UROS: variants seen among roughly 807,000 people sequenced by gnomAD.
UROS encodes uroporphyrinogen-III synthase.
In UROS, 18 loss-of-function variants were observed where a neutral mutation model predicts 33.0. The observed-to-expected ratio is 0.55, with a 90% CI of 0.38 to 0.81. The LOEUF (loss-of-function observed/expected upper bound fraction) is 0.81, where lower values mean the gene tolerates loss of function less well. UROS is among the 30% of genes least tolerant of loss of function. The pLI is 0.00. For missense variants in UROS, 293 were observed against 314.9 expected, an observed-to-expected ratio of 0.93 and a Z score of 0.53; for synonymous variants, 114 against 121.1, an observed-to-expected ratio of 0.94 and a Z score of 0.38.
At position 125,788,687 on chromosome 10, in the gene UROS, G is replaced by A. The variant is rs1589905623; in HGVS notation, c.*181C>T. 1.4e-6 allele frequency: 2 copies of A among 1,431,400 alleles called. No individual in the cohort carries two copies. The highest frequency in any genetic ancestry group is 9.1e-7 in the Non-Finnish European group (1 of 1,096,902). The allele number at this position is 1,431,400 out of a possible 1,614,324, so 88.7% of individuals were successfully genotyped here. Reference sequence around the variant, plus strand: ...TGGCTTCCACAGAGGGCAGTCACGTGCACGTGGGCCTGAGGCCAGCCCCAG... The same window carrying A: ...TGGCTTCCACAGAGGGCAGTCACGTACACGTGGGCCTGAGGCCAGCCCCAG... On this transcript the variant is annotated 3_prime_UTR_variant, in exon 10 of 10. Transcript: ENST00000368797.
downstream of UROS, among the ~76,000 whole-genome samples, chr10:125,787,399 C>A (rs1297046972): frequency 6.6e-6 from 1 of 152,168 alleles, no homozygotes; most frequent in Non-Finnish European, 1.5e-5. Context: ...CCAGCCTCTT[C>A]ACCATGCATG....
At chr10:125,822,240 A>G (rs551302049) in intron 1 of UROS, among the ~76,000 whole-genome samples, 89 of 152,076 alleles carry the variant, frequency 5.9e-4, no homozygotes, top group African/African-American at 2.1e-3. Context: ...CTCGCTCTGC[A>G]GTTGGCCGCA....
chr10:125,789,198 C>T (rs1023777101), intron 9 of UROS, 193 bp from the exon 10 acceptor site: 117 of 1,435,658 alleles, frequency 8.1e-5, no homozygotes, highest in South Asian at 9.7e-5. Flanking sequence ...TCTGCATCCA[C>T]GCTCTCATCA....
chr10:125,797,703 C>T (rs983405358), intron 7 of UROS, among the ~76,000 whole-genome samples: 5 of 152,150 alleles, frequency 3.3e-5, no homozygotes, highest in Non-Finnish European at 7.3e-5. Flanking sequence ...ATTATAAGAT[C>T]GGCTACATTT....
At chr10:125,816,098 TA>T in intron 3 of UROS, 78 bp downstream of exon 3, 1 of 1,358,336 alleles carries the variant, frequency 7.4e-7, no homozygotes, top group Non-Finnish European at 1.1e-6. Context: ...AAGAAGACAG[TA>T]AAATAGTCCC....
At chr10:125,804,584 A>G (rs749059039) in intron 6 of UROS, among the ~76,000 whole-genome samples, 10 of 152,106 alleles carry the variant, frequency 6.6e-5, no homozygotes, top group Non-Finnish European at 1.0e-4. Context: ...AAAGTGGGGG[A>G]CAGTTTGCTA....
At chr10:125,817,761 G>A (rs747856085) in intron 1 of UROS, among the ~76,000 whole-genome samples, 11 of 152,130 alleles carry the variant, frequency 7.2e-5, no homozygotes, top group East Asian at 1.9e-4. Flanking sequence ...GAATTGCTAC[G>A]TGGCAGAGCT....
chr10:125,820,561 C>T (rs1853783611), intron 1 of UROS, among the ~76,000 whole-genome samples: 1 of 152,158 alleles, frequency 6.6e-6, no homozygotes, highest in African/African-American at 2.4e-5. Context: ...AATGTTTAAC[C>T]AGATATCTGG....
Position 125,788,858 on chromosome 10 carries a change from G to C in UROS, c.*10C>G, listed in dbSNP as rs899209110. 1 of 1,579,360 alleles carries C rather than the reference G, an allele frequency of 6.3e-7. No homozygotes were observed. The highest frequency in any genetic ancestry group is 8.6e-7 in the Non-Finnish European group (1 of 1,164,510). On this transcript the variant is annotated 3_prime_UTR_variant, in exon 10 of 10. Coordinates refer to ENST00000368797, the MANE Select transcript of UROS (RefSeq NM_000375.3). ...GGGAGGCTGCATGGGGCCAGCGCTAGGTGGCTGACTCAGCAGCAGCCATGG... is the reference window on the plus strand; with the variant it reads ...GGGAGGCTGCATGGGGCCAGCGCTACGTGGCTGACTCAGCAGCAGCCATGG...
At chr10:125,785,092 C>T (rs1850606205), downstream of UROS, 1 of 152,160 alleles carries the variant, frequency 6.6e-6, no homozygotes, top group Admixed American at 6.5e-5. Context: ...GAAAAAATCT[C>T]GTAGTAATAG....
At position 125,788,830 on chromosome 10, in the gene UROS, C is replaced by A. The variant is rs774482077; in HGVS notation, c.*38G>T. On this transcript the variant is annotated 3_prime_UTR_variant, in exon 10 of 10. Transcript: ENST00000368797. ...TGGCTCCATCCAGAGCCAGCCCAGCCCAGGGAGGCTGCATGGGGCCAGCGC... is the reference window on the plus strand; with the variant it reads ...TGGCTCCATCCAGAGCCAGCCCAGCACAGGGAGGCTGCATGGGGCCAGCGC... 6.4e-7 allele frequency: 1 copy of A among 1,553,606 alleles called. No homozygotes were observed. Among genetic ancestry groups the A allele is most frequent in the South Asian group, 1.2e-5 (1 of 84,450 alleles).
chr10:125,794,735 C>G (rs1851204180), intron 9 of UROS, 145 bp downstream of exon 9: 1 of 724,848 alleles, frequency 1.4e-6, no homozygotes, highest in African/African-American at 1.8e-5. Context: ...AACAGCCCAG[C>G]AGGAGGTAGA....
At position 125,796,137 on chromosome 10, in the gene UROS, A is replaced by C; in HGVS notation, c.527T>G (p.Ile176Ser). ...ATAGTAGCTGTTCAGGTTCCCTTGG[A>C]TTCCTGGGTGTGCAACTGTCTGATA... is the stretch of plus-strand genomic sequence containing the variant. ...TVYQTVAHPG[I>S]QGNLNSYYSQ... The change falls in exon 8 of 10, where the codon ATC (isoleucine) becomes AGC (serine). Residue 176 changes from isoleucine to serine, a missense_variant. Physicochemically the swap from Ile to Ser is moderately radical, Grantham distance 142. Coordinates refer to ENST00000368797, the MANE Select transcript of UROS (RefSeq NM_000375.3). The C allele has an allele frequency of 6.2e-7, 1 of 1,614,168 alleles. No individual in the cohort carries two copies. Among genetic ancestry groups the C allele is most frequent in the Non-Finnish European group, 8.5e-7 (1 of 1,180,026 alleles).
At chr10:125,799,723 T>C (rs912705123) in intron 6 of UROS, among the ~76,000 whole-genome samples, 34 of 152,096 alleles carry the variant, frequency 2.2e-4, no homozygotes, top group African/African-American at 8.0e-4. Context: ...GGCCCACAAA[T>C]GTCCAACCAG....
chr10:125,807,407 A>G lies in UROS; in HGVS notation c.394+6T>C, dbSNP rs1852428278. ...GCTTCATTTGGAGTGATGTTTTTCT[A>G]CTTACTGGAACAAATATATTCTGCA... On this transcript the variant is annotated splice_donor_region_variant and intron_variant, in intron 6 of 9. Coordinates refer to ENST00000368797, the MANE Select transcript of UROS (RefSeq NM_000375.3). The G allele has an allele frequency of 4.3e-6, 7 of 1,613,298 alleles. No individual in the cohort carries two copies. Among genetic ancestry groups the G allele is most frequent in the Non-Finnish European group, 5.9e-6 (7 of 1,179,450 alleles).
chr10:125,802,930 G>A (rs959289653), intron 6 of UROS: 18 of 1,611,352 alleles, frequency 1.1e-5, no homozygotes, highest in Admixed American at 3.3e-5. Context: ...CCAAGGATGC[G>A]GCTAAACCCC....
In UROS at chr10:125,798,435, T is replaced by TG. The variant is rs1851544946; in HGVS notation, c.395-291dup. Among the ~76,000 whole-genome samples the TG allele has an allele frequency of 3.3e-5, 5 of 152,360 alleles. No homozygotes were observed. In the South Asian group the frequency reaches 1.0e-3, roughly 32 times the overall value. ...CTTTTAACTCCTTCTGATCCTGAAG[T>TG]GACTCCCTAGCCTGCAGTCACTATT... On this transcript the variant is annotated intron_variant, in intron 6 of 9. Transcript: ENST00000368797.
chr10:125,800,443 C>T (rs182137954), intron 6 of UROS, among the ~76,000 whole-genome samples: 113 of 152,314 alleles, frequency 7.4e-4, no homozygotes, highest in African/African-American at 2.4e-3. Context: ...AGGATTCGCA[C>T]CTTACGCAGG....
chr10:125,796,922 C>T (rs547370279), intron 7 of UROS: 1 of 905,274 alleles, frequency 1.1e-6, no homozygotes, highest in African/African-American at 1.8e-5. Context: ...AAACAGCAAC[C>T]TATTGCCATT....
Sources: gnomAD v4.1 joint callset for allele counts (sites outside exome capture counted in the v4.1 genomes callset) on GRCh38, gnomAD v4.1.1 for gene constraint, MANE v1.5 for transcripts, NCBI Gene and HGNC (gene_info 2026-07-23, HGNC 2026-07-21) for gene names.